The following CCDC60 variants were observed in gnomAD, a reference collection of about 807,000 sequenced individuals.
The protein encoded by CCDC60 is coiled-coil domain containing 60, also known as coiled-coil domain-containing protein 60.
In CCDC60, 54 loss-of-function variants were observed where a neutral mutation model predicts 63.5. The observed-to-expected ratio is 0.85, with a 90% CI of 0.68 to 1.07. The LOEUF (loss-of-function observed/expected upper bound fraction) is 1.07, where lower values mean the gene tolerates loss of function less well. CCDC60 is among the 50% of genes least tolerant of loss of function. CCDC60 has a pLI of 0.00. For missense variants in CCDC60, 651 were observed against 684.3 expected (o/e 0.95, Z 0.54); for synonymous variants, 206 against 238.8 (o/e 0.86, Z 1.27).
At chr12:119,524,546 C>A in intron 11 of CCDC60, 1 of 652,502 alleles carries the variant, frequency 1.5e-6, no homozygotes, top group Non-Finnish European at 1.9e-6. Context: ...CCCTTTCCTT[C>A]TGGGAGCTAA....
chr12:119,478,241 G>C lies in CCDC60; in HGVS notation c.342-853G>C, dbSNP rs1951222256. ...GAGGCACGAGAATTGCTTGAACCTAGGAGGCAGAGGTTGCAGTGAGCCAAG... is the reference window on the plus strand; with the variant it reads ...GAGGCACGAGAATTGCTTGAACCTACGAGGCAGAGGTTGCAGTGAGCCAAG... On this transcript the variant is annotated intron_variant, in intron 3 of 13. Transcript: ENST00000327554. 2.6e-5 allele frequency among the ~76,000 whole-genome samples: 4 copies of C among 152,090 alleles called. 1 individual carries two copies. The highest frequency in any genetic ancestry group is 9.7e-5 in the African/African-American group (4 of 41,422).
At chr12:119,451,386 C>A (rs903139893) in intron 2 of CCDC60, among the ~76,000 whole-genome samples, 2 of 151,858 alleles carry the variant, frequency 1.3e-5, no homozygotes, top group Non-Finnish European at 2.9e-5. Context: ...AATCCAGAGA[C>A]CCCCACCCAG....
At chr12:119,480,011 C>G (rs1490023182) in intron 4 of CCDC60, among the ~76,000 whole-genome samples, 2 of 146,704 alleles carry the variant, frequency 1.4e-5, no homozygotes, top group Non-Finnish European at 3.0e-5. Context: ...CACACACACA[C>G]ACACACACAC....
At chr12:119,361,948 G>A (rs1371453560) in intron 1 of CCDC60, among the ~76,000 whole-genome samples, 2 of 152,208 alleles carry the variant, frequency 1.3e-5, no homozygotes, top group Admixed American at 1.3e-4. Context: ...AGTATAATGA[G>A]TATGGCCATA....
chr12:119,414,367 AC>A (rs1956662446), intron 1 of CCDC60, among the ~76,000 whole-genome samples: 2 of 152,008 alleles, frequency 1.3e-5, no homozygotes, highest in Admixed American at 1.3e-4. Flanking sequence ...GTCTCCCTCA[AC>A]CCTCTTCATA....
intron 4 of CCDC60, among the ~76,000 whole-genome samples, chr12:119,484,182 A>G (rs1304165007): frequency 3.9e-5 from 6 of 152,140 alleles, no homozygotes; most frequent in African/African-American, 1.4e-4. Context: ...GACCTTGGAT[A>G]AGTCACTGAG....
At chr12:119,497,248 C>A (rs1269669015) in intron 5 of CCDC60, among the ~76,000 whole-genome samples, 2 of 152,204 alleles carry the variant, frequency 1.3e-5, no homozygotes, top group South Asian at 4.1e-4. Context: ...CCCCACCAGG[C>A]CAGGGGGAAG....
Position 119,528,608 on chromosome 12 carries a change from C to T in CCDC60, c.1230-7C>T, listed in dbSNP as rs1158502090. The T allele has an allele frequency of 3.7e-6, 6 of 1,611,678 alleles. No homozygotes were observed. Among genetic ancestry groups the T allele is most frequent in the Non-Finnish European group, 5.1e-6 (6 of 1,178,814 alleles). On this transcript the variant is annotated splice_region_variant and splice_polypyrimidine_tract_variant and intron_variant, in intron 11 of 13. Transcript: ENST00000327554. ...TTCTTCTCTCTCTTTCTCATACAAC[C>T]TTGTAGGCGCCAAGAAGAGAGAGGT...
At chr12:119,350,687 A>G (rs1955647408) in intron 1 of CCDC60, among the ~76,000 whole-genome samples, 1 of 152,000 alleles carries the variant, frequency 6.6e-6, no homozygotes, top group African/African-American at 2.4e-5. Context: ...GCTGAAGGTA[A>G]TTTTTTCAAA....
chr12:119,481,582 G>A (rs1951319049), intron 4 of CCDC60, among the ~76,000 whole-genome samples: 1 of 152,048 alleles, frequency 6.6e-6, no homozygotes, highest in Non-Finnish European at 1.5e-5. Context: ...CCTGCCAAAA[G>A]TCTCACAACA....
At chr12:119,516,744 G>C in intron 8 of CCDC60, 37 bp downstream of exon 8, 3 of 1,399,500 alleles carry the variant, frequency 2.1e-6, no homozygotes, top group Non-Finnish European at 3.0e-6. Context: ...ATAAAGCTTA[G>C]AATAATAGCA....
chr12:119,337,693 T>C (rs1328438125), intron 1 of CCDC60, among the ~76,000 whole-genome samples: 1 of 152,076 alleles, frequency 6.6e-6, no homozygotes, highest in Non-Finnish European at 1.5e-5. Context: ...ATGCTTGGGA[T>C]GGGGAGTAAA....
chr12:119,536,314 A>G (rs1953005755), intron 13 of CCDC60, among the ~76,000 whole-genome samples: 1 of 152,148 alleles, frequency 6.6e-6, no homozygotes, highest in East Asian at 1.9e-4. Context: ...GTGTCTCTGC[A>G]CGTGAGATGG....
chr12:119,362,725 G>A (rs1029823479), intron 1 of CCDC60, among the ~76,000 whole-genome samples: 4 of 152,044 alleles, frequency 2.6e-5, no homozygotes, highest in Non-Finnish European at 5.9e-5. Flanking sequence ...AATCTTCTTG[G>A]ACATTCTTTT....
chr12:119,341,938 T>C (rs1565962573), intron 1 of CCDC60, among the ~76,000 whole-genome samples: 1 of 152,230 alleles, frequency 6.6e-6, no homozygotes. Flanking sequence ...CCATTATTCA[T>C]CTTTTAATCC....
At chr12:119,429,444 G>A (rs1956957800) in intron 2 of CCDC60, 1 of 152,100 alleles carries the variant, frequency 6.6e-6, no homozygotes, top group African/African-American at 2.4e-5. Context: ...TGAGACTTTT[G>A]GTAAAGCAAC....
At chr12:119,378,600 A>G (rs1399320173) in intron 1 of CCDC60, among the ~76,000 whole-genome samples, 1 of 152,220 alleles carries the variant, frequency 6.6e-6, no homozygotes, top group African/African-American at 2.4e-5. Context: ...AACTGGTCAT[A>G]GAGCTAATAA....
chr12:119,447,498 A>G (rs1469731720), intron 2 of CCDC60, among the ~76,000 whole-genome samples: 2 of 152,092 alleles, frequency 1.3e-5, no homozygotes, highest in African/African-American at 4.8e-5. Context: ...ACCAGGGGGT[A>G]ATTTGGAAAT....
chr12:119,471,640 A>G (rs778703260), intron 2 of CCDC60, among the ~76,000 whole-genome samples: 3 of 152,240 alleles, frequency 2.0e-5, no homozygotes, highest in Non-Finnish European at 4.4e-5. Context: ...AGGTGGATCC[A>G]GAATTCAAAC....
Sources: allele counts gnomAD v4.1 joint callset (sites outside exome capture counted in the v4.1 genomes callset), GRCh38; gene constraint gnomAD v4.1.1; transcripts MANE v1.5; gene names NCBI Gene and HGNC (gene_info 2026-07-23, HGNC 2026-07-21).